Variants in LRRFIP1 observed in about 807,000 individuals in gnomAD.
LRRFIP1 encodes the protein LRR binding FLII interacting protein 1, also known as leucine-rich repeat flightless-interacting protein 1.
LRRFIP1 carries 62 observed loss-of-function variants against 104.4 expected under a neutral mutation model. That is an observed-to-expected ratio of 0.59 (90% CI 0.48 to 0.73). LRRFIP1 has a LOEUF of 0.73. LRRFIP1 is among the 30% of genes least tolerant of loss of function. The pLI, the probability that LRRFIP1 is intolerant of heterozygous loss-of-function variation, is 0.00. For synonymous variants in LRRFIP1, 300 were observed against 299.0 expected (o/e 1.00, Z -0.03); for missense variants, 796 against 824.5 (o/e 0.97, Z 0.42).
intron 1 of LRRFIP1, among the ~76,000 whole-genome samples, chr2:237,664,669 A>G (rs73093449): frequency 0.11 from 17,036 of 152,142 alleles, 1,070 homozygotes; most frequent in African/African-American, 0.17. Flanking sequence ...TAATCATTCT[A>G]TATGTACTTT....
At chr2:237,670,886 C>A (rs539890930) in intron 1 of LRRFIP1, among the ~76,000 whole-genome samples, 3 of 152,318 alleles carry the variant, frequency 2.0e-5, no homozygotes, top group African/African-American at 7.2e-5. Flanking sequence ...ACATCCTCAG[C>A]GGCAGGGTCT....
At chr2:237,654,638 C>A (rs2086495685) in intron 1 of LRRFIP1, among the ~76,000 whole-genome samples, 1 of 152,078 alleles carries the variant, frequency 6.6e-6, no homozygotes, top group South Asian at 2.1e-4. Context: ...GCAACCTCCG[C>A]CTCACGGGTT....
chr2:237,772,497 GA>G (rs60861314), intron 21 of LRRFIP1: 9,417 of 336,298 alleles, frequency 0.028, 2 homozygotes, highest in South Asian at 0.031. Context: ...TTGATTGTAT[GA>G]AAAAAAAAAA....
At chr2:237,640,551 AC>A (rs1248914986) in intron 1 of LRRFIP1, among the ~76,000 whole-genome samples, 1 of 151,288 alleles carries the variant, frequency 6.6e-6, no homozygotes, top group Non-Finnish European at 1.5e-5. Context: ...CCCCAGGACC[AC>A]CCCCCAGATG....
chr2:237,635,202 T>G (rs1284227464), intron 1 of LRRFIP1, among the ~76,000 whole-genome samples: 1 of 152,248 alleles, frequency 6.6e-6, no homozygotes, highest in Non-Finnish European at 1.5e-5. Flanking sequence ...TCATACTTGA[T>G]TGATACTTTG....
intron 4 of LRRFIP1, 27 bp from the exon 5 acceptor site, chr2:237,719,496 C>T: frequency 6.2e-7 from 1 of 1,601,684 alleles, no homozygotes. Context: ...TGTCTCTAAC[C>T]TTTTCATGCT....
chr2:237,628,250 GAGA>G (rs1258945930), intron 1 of LRRFIP1, among the ~76,000 whole-genome samples: 1 of 152,236 alleles, frequency 6.6e-6, no homozygotes, highest in Non-Finnish European at 1.5e-5. Flanking sequence ...GTGCAGCTCA[GAGA>G]TGAACTTGGG....
intron 1 of LRRFIP1, among the ~76,000 whole-genome samples, chr2:237,643,504 C>T (rs67936462): frequency 0.2 from 30,269 of 152,232 alleles, 3,393 homozygotes; most frequent in East Asian, 0.4. Flanking sequence ...CCTGCTCAGA[C>T]GGCTGAGGAG....
chr2:237,702,959 T>C (rs554566171), intron 1 of LRRFIP1, among the ~76,000 whole-genome samples: 5 of 152,308 alleles, frequency 3.3e-5, no homozygotes, highest in African/African-American at 2.4e-5. Flanking sequence ...CTAAATGTTT[T>C]AGTATCTCAG....
At chr2:237,672,962 A>G (rs1209682174) in intron 1 of LRRFIP1, among the ~76,000 whole-genome samples, 2 of 152,186 alleles carry the variant, frequency 1.3e-5, no homozygotes, top group Non-Finnish European at 2.9e-5. Context: ...ACGAAGCATG[A>G]GAAATTCTTT....
At chr2:237,680,938 G>T (rs967942486) in intron 1 of LRRFIP1, among the ~76,000 whole-genome samples, 4 of 152,096 alleles carry the variant, frequency 2.6e-5, no homozygotes, top group African/African-American at 9.7e-5. Context: ...CCATGATCAC[G>T]CCACTGCACT....
At chr2:237,763,239 G>C in intron 19 of LRRFIP1, 1 of 1,614,162 alleles carries the variant, frequency 6.2e-7, no homozygotes, top group Non-Finnish European at 8.5e-7. Flanking sequence ...ACAGGATTAA[G>C]GGACGAGAAA....
rs1274782697 is a variant in LRRFIP1 at position 237,649,352 on chromosome 2, A to G, written c.96+21612A>G. 6.6e-6 allele frequency among the ~76,000 whole-genome samples: 1 copy of G among 152,004 alleles called. No homozygotes were observed. ...CAAGACCAACCTGGCCAACATAGTGAAACCCCATCTCTACTAAAAACACAA... is the reference window on the plus strand; with the variant it reads ...CAAGACCAACCTGGCCAACATAGTGGAACCCCATCTCTACTAAAAACACAA... On this transcript the variant is annotated intron_variant, in intron 1 of 23. Transcript: ENST00000308482. This position sits in a 1 kb window ranked among gnomAD's most constrained non-coding sequence, Gnocchi z 4.1.
chr2:237,708,736 G>A (rs56335596), intron 2 of LRRFIP1, 106 bp downstream of exon 2: 120 of 1,258,808 alleles, frequency 9.5e-5, no homozygotes, highest in African/African-American at 2.1e-4. Flanking sequence ...GCTGTCTCAC[G>A]TTGCTCACGG....
intron 1 of LRRFIP1, among the ~76,000 whole-genome samples, chr2:237,635,889 G>A (rs1037297730): frequency 5.9e-5 from 9 of 152,052 alleles, no homozygotes; most frequent in African/African-American, 2.2e-4. Context: ...TTGAGCTCAG[G>A]AGTTTGAGAC....
intron 23 of LRRFIP1, among the ~76,000 whole-genome samples, chr2:237,776,319 G>C (rs932569994): frequency 6.6e-6 from 1 of 152,124 alleles, no homozygotes; most frequent in Non-Finnish European, 1.5e-5. Context: ...GTTATACCTG[G>C]TCTTTGAAAT....
In LRRFIP1 at chr2:237,739,217, T is replaced by C. The variant is rs3769073; in HGVS notation, c.556-15T>C. 7,475 of 1,554,098 alleles carry C rather than the reference T, an allele frequency of 4.8e-3. 210 individuals are homozygous for C. The East Asian group carries it at 0.087, about 18-fold the overall frequency. ...TGTTTCTGGCTGCGTGTCCTGGCGGTGGCTGTGTGGGCAGCCCTCGGAGTA... is the reference window on the plus strand; with the variant it reads ...TGTTTCTGGCTGCGTGTCCTGGCGGCGGCTGTGTGGGCAGCCCTCGGAGTA... On this transcript the variant is annotated splice_polypyrimidine_tract_variant and intron_variant, in intron 10 of 23. Coordinates refer to ENST00000308482, the MANE Select transcript of LRRFIP1 (RefSeq NM_001137550.2).
At chr2:237,636,097 C>CA (rs58896300) in intron 1 of LRRFIP1, among the ~76,000 whole-genome samples, 14,381 of 126,864 alleles carry the variant, frequency 0.11, 750 homozygotes, top group Middle Eastern at 0.15. Flanking sequence ...AACTCTGTCT[C>CA]AAAAAAAAAA....
At chr2:237,682,142 G>A (rs1245983323) in intron 1 of LRRFIP1, among the ~76,000 whole-genome samples, 2 of 152,152 alleles carry the variant, frequency 1.3e-5, no homozygotes, top group Non-Finnish European at 2.9e-5. Flanking sequence ...AGACCTTCCC[G>A]CAACTTCTCT....
Sources: gnomAD v4.1 joint callset for allele counts (sites outside exome capture counted in the v4.1 genomes callset) on GRCh38, gnomAD v4.1.1 for gene constraint, Gnocchi (gnomAD v3.1) non-coding constraint, MANE v1.5 for transcripts, NCBI Gene and HGNC (gene_info 2026-07-23, HGNC 2026-07-21) for gene names.